The following CAPN13 variants were observed in gnomAD, a reference collection of about 807,000 sequenced individuals.
CAPN13 encodes the protein calpain-13.
Under a neutral mutation model 98.4 loss-of-function variants are expected in CAPN13, and 90 were observed. The observed-to-expected ratio is 0.92, with a 90% CI of 0.77 to 1.09. The LOEUF (loss-of-function observed/expected upper bound fraction) is 1.09. Among genes scored for constraint, CAPN13 ranks in the 50% least tolerant of loss-of-function variants. The pLI is 0.00. For missense variants in CAPN13, 887 were observed against 841.3 expected, an observed-to-expected ratio of 1.05 and a Z score of -0.67; for synonymous variants, 330 against 305.5, an observed-to-expected ratio of 1.08 and a Z score of -0.84.
intron 5 of CAPN13, among the ~76,000 whole-genome samples, chr2:30,767,414 A>G (rs891244806): frequency 3.3e-5 from 5 of 152,204 alleles, no homozygotes; most frequent in African/African-American, 1.2e-4. Context: ...TTCAAGCTGA[A>G]TGATTGCTTG....
intron 1 of CAPN13, among the ~76,000 whole-genome samples, chr2:30,799,289 A>G (rs1675046768): frequency 6.6e-6 from 1 of 152,202 alleles, no homozygotes. Flanking sequence ...CAAAGAGCTT[A>G]TGTGAGATGG....
Position 30,770,406 on chromosome 2 carries a change from C to G in CAPN13, c.431G>C (p.Arg144Pro), listed in dbSNP as rs374775173. The G allele has an allele frequency of 1.7e-5, 28 of 1,613,874 alleles. No homozygotes were observed. The African/African-American group carries it at 3.5e-4, about 20-fold the overall frequency. ...GQWVEVVIDD[R>P]LPVQGDKCLF... The stretch of plus-strand genomic sequence containing the variant: ...GCATTTATCTCCCTGGACAGGTAGG[C>G]GGTCATCAATCACCACTTCCACCCA... Residue 144 changes from arginine to proline, a missense_variant, in exon 5 of 23, where the codon CGC (arginine) becomes CCC (proline). By Grantham distance (103) the Arg-to-Pro change is moderately radical. Transcript: ENST00000295055.
rs145610823 is a variant in CAPN13, at chr2:30,757,016, C to T, written c.866+1030G>A. Among the ~76,000 whole-genome samples the T allele has an allele frequency of 2.0e-5, 3 of 152,350 alleles. No homozygotes were observed. In the East Asian group the frequency reaches 5.8e-4, roughly 29 times the overall value. On this transcript the variant is annotated intron_variant, in intron 8 of 22. Transcript: ENST00000295055. ...CCTGGGGCATCAGGCCTAGAACTGG[C>T]TGGCTCTGCATTCACCTTCCAGAAA...
At chr2:30,725,955 T>A (rs895644159) in intron 22 of CAPN13, among the ~76,000 whole-genome samples, 1 of 151,576 alleles carries the variant, frequency 6.6e-6, no homozygotes, top group East Asian at 1.9e-4. Flanking sequence ...GGGAAGAAAA[T>A]AGAGAATAGC....
chr2:30,755,156 TC>T (rs1352309765), intron 8 of CAPN13, among the ~76,000 whole-genome samples: 1 of 150,988 alleles, frequency 6.6e-6, no homozygotes, highest in African/African-American at 2.4e-5. Context: ...ACCCTGATGC[TC>T]CCCCTGCACC....
chr2:30,727,608 G>A (rs955371236), intron 22 of CAPN13, among the ~76,000 whole-genome samples: 1 of 152,140 alleles, frequency 6.6e-6, no homozygotes, highest in African/African-American at 2.4e-5. Context: ...ACCACAGTGA[G>A]ATATCACTTC....
chr2:30,759,061 TCCCTCCCTCCTCCCTC>T (rs1237615592), intron 7 of CAPN13, among the ~76,000 whole-genome samples: 195 of 11,850 alleles, frequency 0.016, 3 homozygotes, highest in African/African-American at 0.085. Flanking sequence ...CTTCCCTCCC[TCCCTCCCTCCTCCCTC>T]CCTTCCTCTC....
At chr2:30,759,073 CCCTCCCTTCCT>C (rs1558315472) in intron 7 of CAPN13, among the ~76,000 whole-genome samples, 53 of 30,478 alleles carry the variant, frequency 1.7e-3, no homozygotes, top group African/African-American at 7.0e-3. Context: ...CCTCCCTCCT[CCCTCCCTTCCT>C]CTCTGCCTCC....
At chr2:30,741,830 G>A (rs764077700) in intron 15 of CAPN13, 78 bp downstream of exon 15, 1 of 1,608,866 alleles carries the variant, frequency 6.2e-7, no homozygotes, top group Non-Finnish European at 8.5e-7. Flanking sequence ...ATCCCAGTAA[G>A]GGCCTGTGAG....
intron 15 of CAPN13, among the ~76,000 whole-genome samples, chr2:30,740,092 T>TTG (rs1553404245): frequency 2.2e-4 from 29 of 133,124 alleles, no homozygotes; most frequent in Non-Finnish European, 4.3e-4. Context: ...GTTTTTTTTT[T>TTG]TTTTTTTTTT....
chr2:30,760,115 C>T (rs1359604775), intron 7 of CAPN13, among the ~76,000 whole-genome samples: 4 of 152,106 alleles, frequency 2.6e-5, no homozygotes, highest in Admixed American at 2.6e-4. Flanking sequence ...TGGAGTCTTG[C>T]TGGGTCGCCC....
intron 1 of CAPN13, among the ~76,000 whole-genome samples, chr2:30,790,264 C>G (rs1278183626): frequency 3.3e-5 from 5 of 152,150 alleles, no homozygotes; most frequent in African/African-American, 9.7e-5. Flanking sequence ...TTCCTCTCTT[C>G]TCTACCCAAT....
chr2:30,764,371 G>T, intron 5 of CAPN13, 65 bp from the exon 6 acceptor site: 1 of 1,545,370 alleles, frequency 6.5e-7, no homozygotes, highest in Non-Finnish European at 8.8e-7. Flanking sequence ...AGGGGAGCTT[G>T]TGCACTGATC....
intron 1 of CAPN13, among the ~76,000 whole-genome samples, chr2:30,791,467 A>G (rs1004193196): frequency 2.6e-5 from 4 of 152,196 alleles, no homozygotes; most frequent in African/African-American, 9.7e-5. Flanking sequence ...TGCTTCATGA[A>G]ACACTCCACA....
At position 30,764,423 on chromosome 2, in the gene CAPN13, T is replaced by C. The variant is rs1042226672; in HGVS notation, c.525-117A>G. 27 of 1,082,702 alleles carry C rather than the reference T, an allele frequency of 2.5e-5. 1 individual carries two copies. The Admixed American group carries it at 3.9e-4, about 16-fold the overall frequency. The allele number at this position is 1,082,702 out of a possible 1,614,324, so 67.1% of individuals were successfully genotyped here. ...GGTAAGGGGCTGCCTGGTCCACTCC[T>C]GATCATGGCCACCCACCTCCCCTTT... On this transcript the variant is annotated intron_variant, in intron 5 of 22. Transcript: ENST00000295055.
At position 30,743,417 on chromosome 2, in the gene CAPN13, G is replaced by A; in HGVS notation, c.1411C>T (p.Leu471Phe). The change falls in exon 13 of 23, where the codon CTC becomes TTC. Residue 471 changes from leucine to phenylalanine, a missense_variant. Physicochemically the swap from Leu to Phe is conservative, Grantham distance 22. Transcript: ENST00000295055. ...QTRRKSAEFL[L>F]RIFLKMPDSD... The stretch of plus-strand genomic sequence containing the variant: ...TCTGGCATTTTCAGGAAGATTCGGA[G>A]CAAGAACTCCGCTGATTTTCTCCGT... The A allele has an allele frequency of 3.1e-6, 5 of 1,614,016 alleles. No homozygotes were observed. The highest frequency in any genetic ancestry group is 4.2e-6 in the Non-Finnish European group (5 of 1,179,872).
At chr2:30,796,026 T>C (rs1294138511) in intron 1 of CAPN13, among the ~76,000 whole-genome samples, 1 of 151,582 alleles carries the variant, frequency 6.6e-6, no homozygotes, top group Admixed American at 6.6e-5. Context: ...AAAGCTGGTA[T>C]CTGTATTAGC....
chr2:30,743,113 C>A (rs143150646), intron 13 of CAPN13: 3 of 478,618 alleles, frequency 6.3e-6, no homozygotes, highest in East Asian at 7.2e-5. Context: ...CCTCAAGAAG[C>A]CTTCCTCAGT....
intron 1 of CAPN13, among the ~76,000 whole-genome samples, chr2:30,800,168 G>GAAAGA (rs1675176411): frequency 1.3e-5 from 2 of 151,188 alleles, no homozygotes; most frequent in African/African-American, 2.4e-5. Flanking sequence ...AAGAAAGAAA[G>GAAAGA]AAAGAAAGAA....
Sources: gnomAD v4.1 joint callset for allele counts (sites outside exome capture counted in the v4.1 genomes callset) on GRCh38, gnomAD v4.1.1 for gene constraint, MANE v1.5 for transcripts, NCBI Gene and HGNC (gene_info 2026-07-23, HGNC 2026-07-21) for gene names.